FA2H: variants seen among roughly 807,000 people sequenced by gnomAD.
FA2H encodes fatty acid alpha-hydroxylase.
A neutral mutation model predicts 44.9 loss-of-function variants in FA2H; 22 were observed. The ratio of observed to expected loss-of-function variants is 0.49; its 90% CI spans 0.35 to 0.70. FA2H has a LOEUF of 0.70. Among genes scored for constraint, FA2H ranks in the 30% least tolerant of loss-of-function variants. The probability of loss-of-function intolerance (pLI) is 0.01; values close to 1 mark genes in which losing one functional copy is unlikely to be tolerated. For missense variants in FA2H, 501 were observed against 504.9 expected (o/e 0.99, Z 0.07); for synonymous variants, 243 against 213.2 (o/e 1.14, Z -1.22).
Position 74,740,131 on chromosome 16 carries a change from A to G in FA2H, c.271-16T>C, listed in dbSNP as rs1165028650. On this transcript the variant is annotated splice_polypyrimidine_tract_variant and intron_variant, in intron 1 of 6. Transcript: ENST00000219368. ...CCATGGAGCCCTGGAAGGAGAAGAT[A>G]CAAGAGGATTATACACAGTGGGTGA... 6.3e-7 allele frequency: 1 copy of G among 1,598,886 alleles called. No homozygotes were observed. The highest frequency in any genetic ancestry group is 8.6e-7 in the Non-Finnish European group (1 of 1,166,422).
chr16:74,754,343 C>G (rs1341277963), intron 1 of FA2H, among the ~76,000 whole-genome samples: 1 of 152,046 alleles, frequency 6.6e-6, no homozygotes, highest in East Asian at 1.9e-4. Flanking sequence ...TTGCAGTGAG[C>G]CAAGATTGGG....
intron 1 of FA2H, among the ~76,000 whole-genome samples, chr16:74,773,095 T>G (rs1394093431): frequency 1.3e-5 from 2 of 152,104 alleles, no homozygotes; most frequent in African/African-American, 4.8e-5. Flanking sequence ...AGGCTGGTCT[T>G]GAACTCCTGG....
Position 74,718,242 on chromosome 16 carries a change from C to T in FA2H, c.786+746G>A, listed in dbSNP as rs976547967. 3.9e-5 allele frequency among the ~76,000 whole-genome samples: 6 copies of T among 152,168 alleles called. No individual in the cohort carries two copies. In the South Asian group the frequency reaches 8.3e-4, roughly 21 times the overall value. On this transcript the variant is annotated intron_variant, in intron 5 of 6. Coordinates refer to ENST00000219368, the MANE Select transcript of FA2H (RefSeq NM_024306.5). ...GACATCAGGGTCTAAACTGGTGTCC[C>T]GAAAGTATCATATCTGCCATATTTT...
At chr16:74,716,698 C>G in intron 5 of FA2H, 99 bp from the exon 6 acceptor site, 1 of 1,373,408 alleles carries the variant, frequency 7.3e-7, no homozygotes, top group South Asian at 1.5e-5. Flanking sequence ...CACAGCGGCC[C>G]AGACATTCCA....
intron 2 of FA2H, among the ~76,000 whole-genome samples, chr16:74,729,622 G>A (rs1962035284): frequency 6.6e-6 from 1 of 152,218 alleles, no homozygotes; most frequent in South Asian, 2.1e-4. Flanking sequence ...CAGGCAACTA[G>A]AAGCCCTTGA....
chr16:74,725,661 T>G (rs569592517), intron 4 of FA2H, among the ~76,000 whole-genome samples: 15 of 152,252 alleles, frequency 9.9e-5, no homozygotes, highest in Non-Finnish European at 2.1e-4. Flanking sequence ...GAGGGGTAAA[T>G]GAGGCGGTCC....
intron 6 of FA2H, among the ~76,000 whole-genome samples, chr16:74,715,803 C>A (rs1386384166): frequency 6.7e-6 from 1 of 149,838 alleles, no homozygotes; most frequent in East Asian, 2.0e-4. Flanking sequence ...GCTTTACTTT[C>A]TTCTTCTTCT....
intron 1 of FA2H, among the ~76,000 whole-genome samples, chr16:74,760,325 G>A (rs1962685349): frequency 6.6e-6 from 1 of 152,190 alleles, no homozygotes; most frequent in African/African-American, 2.4e-5. Context: ...AGGCCCTAAT[G>A]CTCATAAAGG....
chr16:74,722,196 G>C (rs1232363165), intron 4 of FA2H, among the ~76,000 whole-genome samples: 2 of 150,242 alleles, frequency 1.3e-5, no homozygotes, highest in African/African-American at 4.9e-5. Flanking sequence ...AGGTAGGCAA[G>C]ACTTTCCCAT....
At chr16:74,731,226 T>C (rs1315773078) in intron 2 of FA2H, among the ~76,000 whole-genome samples, 1 of 151,024 alleles carries the variant, frequency 6.6e-6, no homozygotes, top group African/African-American at 2.4e-5. Context: ...CTCCGTCTCC[T>C]GGGTTCAAGC....
intron 6 of FA2H, among the ~76,000 whole-genome samples, chr16:74,715,452 T>C (rs535269468): frequency 2.6e-5 from 4 of 152,152 alleles, no homozygotes; most frequent in South Asian, 4.2e-4. Context: ...TCACCACACA[T>C]GGATAATTAA....
rs559238763 is a variant in FA2H, at chr16:74,717,375, G to C, written c.787-776C>G. Among the ~76,000 whole-genome samples the C allele has an allele frequency of 1.3e-3, 195 of 152,298 alleles. 5 individuals are homozygous for C. The South Asian group carries it at 0.04, about 31-fold the overall frequency. On this transcript the variant is annotated intron_variant, in intron 5 of 6. Coordinates refer to ENST00000219368, the MANE Select transcript of FA2H (RefSeq NM_024306.5). ...CCTCCCTTCAGACCAGGAACAACAG[G>C]ACCAGTGATGTGCTGGAAAACCAGC...
At chr16:74,726,776 G>A (rs186461127) in intron 3 of FA2H, among the ~76,000 whole-genome samples, 2 of 152,316 alleles carry the variant, frequency 1.3e-5, no homozygotes, top group African/African-American at 4.8e-5. Flanking sequence ...GAGACCTGGG[G>A]TCAAAGGGAC....
chr16:74,723,333 C>G (rs1228459969), intron 4 of FA2H, among the ~76,000 whole-genome samples: 1 of 152,218 alleles, frequency 6.6e-6, no homozygotes, highest in Non-Finnish European at 1.5e-5. Context: ...CTTGGAAACT[C>G]TGCCCTTTGT....
Position 74,713,940 on chromosome 16 carries a change from GC to G in FA2H, c.*249del. 1.8e-6 allele frequency: 1 copy of G among 541,896 alleles called. No individual in the cohort carries two copies. Among genetic ancestry groups the G allele is most frequent in the Non-Finnish European group, 3.3e-6 (1 of 299,862 alleles). 33.6% of individuals were successfully genotyped at this position (541,896 alleles called of 1,614,324 possible). ...AGCAGTCCTGTGGGCTGAGCTCTAG[GC>G]AGGGACGCTCCAGGAAGAAGTGGGT... On this transcript the variant is annotated 3_prime_UTR_variant, in exon 7 of 7. Coordinates refer to ENST00000219368, the MANE Select transcript of FA2H (RefSeq NM_024306.5).
intron 1 of FA2H, among the ~76,000 whole-genome samples, chr16:74,768,787 C>A (rs1448143095): frequency 2.6e-5 from 4 of 152,090 alleles, no homozygotes; most frequent in East Asian, 3.9e-4. Context: ...TCTTACAGAC[C>A]CATGTGTGGC....
intron 1 of FA2H, among the ~76,000 whole-genome samples, chr16:74,752,624 G>A (rs758430340): frequency 6.6e-6 from 1 of 152,184 alleles, no homozygotes; most frequent in Non-Finnish European, 1.5e-5. Context: ...TAATCCCCAT[G>A]AGTGTCTCAG....
chr16:74,719,283 G>T, intron 4 of FA2H, 123 bp from the exon 5 acceptor site: 1 of 810,502 alleles, frequency 1.2e-6, no homozygotes, highest in Non-Finnish European at 2.0e-6. Context: ...CAGCTACAGG[G>T]CCAGGCCATA....
chr16:74,726,684 G>A (rs550635337), intron 3 of FA2H, among the ~76,000 whole-genome samples: 2 of 152,322 alleles, frequency 1.3e-5, no homozygotes, highest in African/African-American at 2.4e-5. Flanking sequence ...ACCATGCCCG[G>A]CAGGGTCCAG....
Sources: gnomAD v4.1 joint callset for allele counts (sites outside exome capture counted in the v4.1 genomes callset) on GRCh38, gnomAD v4.1.1 for gene constraint, MANE v1.5 for transcripts, NCBI Gene and HGNC (gene_info 2026-07-23, HGNC 2026-07-21) for gene names.